Variants in BPHL observed in about 807,000 individuals in gnomAD.
BPHL encodes the protein serine hydrolase BPHL.
In BPHL, 27 loss-of-function variants were observed where a neutral mutation model predicts 31.2. The ratio of observed to expected loss-of-function variants is 0.87; its 90% CI spans 0.64 to 1.19. BPHL has a LOEUF of 1.19. Ranked by LOEUF, BPHL falls within the 50% of genes most tolerant of loss-of-function variation. The pLI, the probability that BPHL is intolerant of heterozygous loss-of-function variation, is 0.00. For synonymous variants in BPHL, 150 were observed against 146.8 expected (o/e 1.02, Z -0.16); for missense variants, 356 against 375.7 (o/e 0.95, Z 0.43).
chr6:3,133,726 C>T (rs559432496), intron 4 of BPHL, among the ~76,000 whole-genome samples: 5 of 152,312 alleles, frequency 3.3e-5, no homozygotes, highest in South Asian at 2.1e-4. Flanking sequence ...CCCTCACCGC[C>T]GCCACCCCGT....
chr6:3,142,970 G>A (rs1762219422), intron 6 of BPHL, among the ~76,000 whole-genome samples: 2 of 152,298 alleles, frequency 1.3e-5, no homozygotes, highest in South Asian at 2.1e-4. Flanking sequence ...TGTAATCCCA[G>A]CACTTTGGGA....
At chr6:3,143,312 C>T (rs373521110) in intron 6 of BPHL, among the ~76,000 whole-genome samples, 3 of 152,224 alleles carry the variant, frequency 2.0e-5, no homozygotes, top group African/African-American at 4.8e-5. Context: ...GTGAAGCAAA[C>T]ACCAAACTGC....
intron 6 of BPHL, among the ~76,000 whole-genome samples, chr6:3,142,270 C>T (rs1180083470): frequency 6.6e-6 from 1 of 152,010 alleles, no homozygotes; most frequent in African/African-American, 2.4e-5. Flanking sequence ...AGGCACCCGC[C>T]ACCACGCCCA....
At chr6:3,151,231 T>A (rs542426474) in intron 6 of BPHL, among the ~76,000 whole-genome samples, 10 of 152,132 alleles carry the variant, frequency 6.6e-5, no homozygotes, top group Non-Finnish European at 1.3e-4. Context: ...CTTTCCTGTT[T>A]CCTGAAAACA....
chr6:3,152,436 TG>T, intron 6 of BPHL, 51 bp from the exon 7 acceptor site: 2 of 1,488,016 alleles, frequency 1.3e-6, no homozygotes, highest in Admixed American at 3.5e-5. Context: ...GTGAGGGGTT[TG>T]TTCTTAAGTG....
At chr6:3,146,637 G>A (rs868545556) in intron 6 of BPHL, among the ~76,000 whole-genome samples, 17 of 139,960 alleles carry the variant, frequency 1.2e-4, no homozygotes, top group Non-Finnish European at 1.8e-4. Context: ...GGTTCGGGTC[G>A]GAGTGCTGGT....
intron 6 of BPHL, among the ~76,000 whole-genome samples, chr6:3,142,125 G>GT (rs145975741): frequency 0.014 from 2,125 of 147,160 alleles, 21 homozygotes; most frequent in Non-Finnish European, 0.02. Flanking sequence ...TTTTTTGTTT[G>GT]TTTTTTTTTT....
intron 1 of BPHL, chr6:3,119,192 A>G: frequency 8.3e-7 from 1 of 1,202,366 alleles, no homozygotes; most frequent in South Asian, 1.3e-5. Context: ...CGGAGCACGG[A>G]CTAGAATCCC....
At chr6:3,136,620 A>G (rs1391732031) in intron 4 of BPHL, among the ~76,000 whole-genome samples, 2 of 152,250 alleles carry the variant, frequency 1.3e-5, no homozygotes, top group Non-Finnish European at 2.9e-5. Flanking sequence ...ATGTGAGTTC[A>G]TGCCATTAGT....
intron 6 of BPHL, among the ~76,000 whole-genome samples, chr6:3,146,431 T>G (rs1486604088): frequency 5.2e-5 from 6 of 116,312 alleles, no homozygotes; most frequent in African/African-American, 1.1e-4. Context: ...CTGGTTTGGG[T>G]CGGAGTGCTG....
intron 2 of BPHL, chr6:3,124,160 G>T (rs1761654499): frequency 6.6e-6 from 1 of 151,188 alleles, no homozygotes. Flanking sequence ...AGAGTGAATT[G>T]ATCACTTGTT....
Position 3,140,301 on chromosome 6 carries a change from G to C in BPHL, c.665-85G>C. The C allele has an allele frequency of 6.5e-7, 1 of 1,538,934 alleles. No individual in the cohort carries two copies. Among genetic ancestry groups the C allele is most frequent in the Non-Finnish European group, 8.9e-7 (1 of 1,129,298 alleles). On this transcript the variant is annotated intron_variant, in intron 5 of 6. Transcript: ENST00000380379. The surrounding 1 kb of genome is among the most constrained non-coding windows in gnomAD (Gnocchi z 5.2). The stretch of plus-strand genomic sequence containing the variant: ...GGATAGGGAAACTGAGGGCCAAGGA[G>C]GGGCAGGGCTCGCCGAGTTTCGCCT...
At chr6:3,138,101 C>A in intron 5 of BPHL, 1 of 866,918 alleles carries the variant, frequency 1.2e-6, no homozygotes, top group Non-Finnish European at 1.6e-6. Context: ...TCACTGCAAT[C>A]TCTGTCTCCT....
intron 2 of BPHL, 162 bp downstream of exon 2, chr6:3,123,922 C>T: frequency 1.8e-6 from 1 of 565,810 alleles, no homozygotes. Flanking sequence ...AGGTAACTTT[C>T]TACTGCTGTT....
intron 4 of BPHL, among the ~76,000 whole-genome samples, chr6:3,136,513 A>G (rs1762020883): frequency 6.6e-6 from 1 of 152,214 alleles, no homozygotes; most frequent in Admixed American, 6.5e-5. Context: ...TGTAAATAGC[A>G]GTTTTTCCTC....
intron 4 of BPHL, among the ~76,000 whole-genome samples, chr6:3,136,684 G>A (rs1338171824): frequency 1.3e-5 from 2 of 152,058 alleles, no homozygotes; most frequent in African/African-American, 4.8e-5. Context: ...TATTTAATAT[G>A]CTCAAGAGCA....
upstream of BPHL, chr6:3,118,569 C>T (rs1761453300): frequency 2.2e-6 from 1 of 449,432 alleles, no homozygotes; most frequent in Non-Finnish European, 3.6e-6. Context: ...TTCGGTCGCC[C>T]ATGGGAAAGC....
At chr6:3,145,358 TG>T (rs1432315549) in intron 6 of BPHL, among the ~76,000 whole-genome samples, 5 of 67,562 alleles carry the variant, frequency 7.4e-5, no homozygotes, top group African/African-American at 2.6e-4. Context: ...GGAGTGCTGG[TG>T]TGGGTTGGAG....
At chr6:3,148,504 C>T (rs1366003677) in intron 6 of BPHL, among the ~76,000 whole-genome samples, 2 of 152,220 alleles carry the variant, frequency 1.3e-5, no homozygotes, top group African/African-American at 4.8e-5. Flanking sequence ...GGGAGGTAGA[C>T]GCTGCAGGCA....
Sources: allele counts gnomAD v4.1 joint callset (sites outside exome capture counted in the v4.1 genomes callset), GRCh38; gene constraint gnomAD v4.1.1; non-coding constraint Gnocchi (gnomAD v3.1); transcripts MANE v1.5; gene names NCBI Gene and HGNC (gene_info 2026-07-23, HGNC 2026-07-21).